The following OR3A2 variants were observed in gnomAD, a reference collection of about 807,000 sequenced individuals.
OR3A2 encodes olfactory receptor family 3 subfamily A member 2, also known as olfactory receptor 3A2.
For synonymous variants in OR3A2, 126 were observed against 159.3 expected, an observed-to-expected ratio of 0.79 and a Z score of 1.57; for missense variants, 318 against 392.8, an observed-to-expected ratio of 0.81 and a Z score of 1.61.
At chr17:3,353,190 A>G (rs1009419183) in intron 2 of OR3A2, among the ~76,000 whole-genome samples, 1 of 151,460 alleles carries the variant, frequency 6.6e-6, no homozygotes, top group Admixed American at 6.6e-5. Flanking sequence ...CAAAAATGCC[A>G]TAACAATTTA....
At chr17:3,380,268 G>A (rs1010339840) in intron 2 of OR3A2, among the ~76,000 whole-genome samples, 1 of 152,196 alleles carries the variant, frequency 6.6e-6, no homozygotes, top group Non-Finnish European at 1.5e-5. Context: ...GCGTCTGAGG[G>A]AGAGCAATAC....
intron 2 of OR3A2, among the ~76,000 whole-genome samples, chr17:3,380,624 A>T (rs1357917851): frequency 6.6e-6 from 1 of 152,212 alleles, no homozygotes; most frequent in Non-Finnish European, 1.5e-5. Context: ...ATGAGTAAGA[A>T]GTTGGCAGAA....
chr17:3,355,483 T>C (rs1659068055), intron 2 of OR3A2, among the ~76,000 whole-genome samples: 1 of 147,606 alleles, frequency 6.8e-6, no homozygotes, highest in African/African-American at 2.6e-5. Flanking sequence ...AATGTTTGCT[T>C]TATATATCTG....
intron 3 of OR3A2, among the ~76,000 whole-genome samples, chr17:3,317,755 G>C (rs1484306460): frequency 3.3e-5 from 5 of 152,082 alleles, no homozygotes; most frequent in Admixed American, 6.6e-5. Context: ...AGTTGAAGGA[G>C]TTACCCTATT....
chr17:3,298,047 T>C (rs559039841), intron 3 of OR3A2, among the ~76,000 whole-genome samples: 51 of 152,116 alleles, frequency 3.4e-4, no homozygotes, highest in Non-Finnish European at 6.0e-4. Flanking sequence ...TTGGGAATAG[T>C]TAAGACATTA....
chr17:3,303,169 G>T (rs899281791), intron 3 of OR3A2, among the ~76,000 whole-genome samples: 6 of 152,236 alleles, frequency 3.9e-5, no homozygotes, highest in African/African-American at 1.4e-4. Context: ...CATGCATAAA[G>T]GTCAGTTTCA....
At chr17:3,301,130 T>C (rs982909644) in intron 3 of OR3A2, among the ~76,000 whole-genome samples, 36 of 152,228 alleles carry the variant, frequency 2.4e-4, no homozygotes, top group African/African-American at 7.7e-4. Context: ...TTTGCTATTG[T>C]GAATGGTGCC....
intron 2 of OR3A2, among the ~76,000 whole-genome samples, chr17:3,336,568 G>C (rs2049275869): frequency 6.6e-6 from 1 of 152,106 alleles, no homozygotes; most frequent in South Asian, 2.1e-4. Flanking sequence ...ATTAATGGTA[G>C]CCAACCAAGA....
intron 3 of OR3A2, among the ~76,000 whole-genome samples, chr17:3,332,172 G>T (rs1407783702): frequency 6.6e-6 from 1 of 152,244 alleles, no homozygotes; most frequent in Non-Finnish European, 1.5e-5. Context: ...CTTTTTGTCT[G>T]TGCCCTGCCC....
At chr17:3,344,017 C>T (rs1157682050) in intron 2 of OR3A2, among the ~76,000 whole-genome samples, 1 of 152,146 alleles carries the variant, frequency 6.6e-6, no homozygotes, top group African/African-American at 2.4e-5. Context: ...TAATCCATGG[C>T]TTGCAATACA....
upstream of OR3A2, among the ~76,000 whole-genome samples, chr17:3,287,219 C>G (rs954252091): frequency 4.0e-5 from 6 of 151,574 alleles, no homozygotes; most frequent in African/African-American, 1.2e-4. Context: ...TAAGTAATTT[C>G]TCATCATCCA....
At chr17:3,291,876 C>T in intron 3 of OR3A2, 1 of 1,614,186 alleles carries the variant, frequency 6.2e-7, no homozygotes, top group Non-Finnish European at 8.5e-7. Context: ...TTTCTTCCTG[C>T]CCTCTACAGA....
chr17:3,347,705 A>G (rs2049379214), intron 2 of OR3A2, among the ~76,000 whole-genome samples: 1 of 152,166 alleles, frequency 6.6e-6, no homozygotes, highest in Non-Finnish European at 1.5e-5. Context: ...CAATAAACAT[A>G]CGTGTGCATG....
chr17:3,310,860 C>A, intron 3 of OR3A2: 1 of 1,039,216 alleles, frequency 9.6e-7, no homozygotes, highest in Non-Finnish European at 1.4e-6. Flanking sequence ...CTACTGTGAC[C>A]TCCCACAGCC....
At chr17:3,330,663 T>C (rs1306253247) in intron 3 of OR3A2, among the ~76,000 whole-genome samples, 3 of 152,198 alleles carry the variant, frequency 2.0e-5, no homozygotes, top group Admixed American at 2.0e-4. Context: ...TGACTCTTTA[T>C]CCAATTTGCC....
intron 2 of OR3A2, among the ~76,000 whole-genome samples, chr17:3,345,705 AT>A (rs1029968518): frequency 9.2e-5 from 14 of 152,164 alleles, no homozygotes; most frequent in African/African-American, 3.1e-4. Flanking sequence ...AGATAAATGA[AT>A]TTTTAAAAAG....
chr17:3,339,045 C>T (rs2049294144), intron 2 of OR3A2, among the ~76,000 whole-genome samples: 1 of 152,084 alleles, frequency 6.6e-6, no homozygotes, highest in African/African-American at 2.4e-5. Context: ...ATTTGGAGTT[C>T]ACTTATGATT....
intron 3 of OR3A2, among the ~76,000 whole-genome samples, chr17:3,309,508 C>G (rs2049023625): frequency 6.6e-6 from 1 of 152,152 alleles, no homozygotes; most frequent in Non-Finnish European, 1.5e-5. Context: ...ACCAAACCCA[C>G]CTGGGAGCCT....
chr17:3,314,126 A>T (rs1341480536), intron 3 of OR3A2, among the ~76,000 whole-genome samples: 1 of 152,196 alleles, frequency 6.6e-6, no homozygotes, highest in African/African-American at 2.4e-5. Context: ...CTCCTCAAAC[A>T]AAAAAACCCT....
Sources: allele counts gnomAD v4.1 joint callset (sites outside exome capture counted in the v4.1 genomes callset), GRCh38; gene constraint gnomAD v4.1.1; transcripts MANE v1.5; gene names NCBI Gene and HGNC (gene_info 2026-07-23, HGNC 2026-07-21).